BPIFC: variants seen among roughly 807,000 people sequenced by gnomAD.
The protein encoded by BPIFC is BPI fold-containing family C protein.
In BPIFC, 60 loss-of-function variants were observed where a neutral mutation model predicts 57.6. That is an observed-to-expected ratio of 1.04 (90% CI 0.85 to 1.29). The LOEUF (loss-of-function observed/expected upper bound fraction) is 1.29. Among genes scored for constraint, BPIFC ranks in the 50% most tolerant of loss-of-function variants. The pLI is 0.00. For synonymous variants in BPIFC, 243 were observed against 224.5 expected (o/e 1.08, Z -0.74); for missense variants, 581 against 600.5 (o/e 0.97, Z 0.34).
chr22:32,452,820 G>A (rs538328805), intron 4 of BPIFC, among the ~76,000 whole-genome samples: 1 of 152,144 alleles, frequency 6.6e-6, no homozygotes, highest in Non-Finnish European at 1.5e-5. Flanking sequence ...AGAAGAGCTT[G>A]ACTCTCCCTT....
At chr22:32,422,548 A>G (rs1241974452) in intron 13 of BPIFC, among the ~76,000 whole-genome samples, 1 of 152,092 alleles carries the variant, frequency 6.6e-6, no homozygotes, top group Non-Finnish European at 1.5e-5. Context: ...CTCTACTAAA[A>G]TTACAAAAAT....
intron 10 of BPIFC, among the ~76,000 whole-genome samples, chr22:32,434,265 ATTC>A (rs1934328506): frequency 6.7e-6 from 1 of 149,098 alleles, no homozygotes; most frequent in Admixed American, 6.7e-5. Flanking sequence ...ATGTGTACAT[ATTC>A]TTCATTTATA....
intron 13 of BPIFC, among the ~76,000 whole-genome samples, chr22:32,430,090 G>C (rs1374853473): frequency 6.6e-6 from 1 of 152,194 alleles, no homozygotes; most frequent in African/African-American, 2.4e-5. Context: ...TCAATGATCT[G>C]CGTCTGTGGC....
intron 13 of BPIFC, among the ~76,000 whole-genome samples, chr22:32,421,645 T>A (rs1413212293): frequency 6.6e-6 from 1 of 152,186 alleles, no homozygotes; most frequent in Non-Finnish European, 1.5e-5. Flanking sequence ...TGTTCACTTA[T>A]TCATTGATTG....
chr22:32,436,422 G>C (rs1216848204), intron 9 of BPIFC, among the ~76,000 whole-genome samples: 1 of 150,992 alleles, frequency 6.6e-6, no homozygotes, highest in Non-Finnish European at 1.5e-5. Context: ...AAAAGAAGGA[G>C]AAGGAGAAGG....
At position 32,458,522 on chromosome 22, in the gene BPIFC, C is replaced by T. The variant is rs117806051; in HGVS notation, c.1-1136G>A. Among the ~76,000 whole-genome samples the T allele has an allele frequency of 1.9e-3, 285 of 152,292 alleles. 2 individuals are homozygous for T. The highest frequency in any genetic ancestry group is 3.4e-3 in the Middle Eastern group (1 of 294). On this transcript the variant is annotated intron_variant, in intron 2 of 16. Coordinates refer to ENST00000300399, the MANE Select transcript of BPIFC (RefSeq NM_174932.3). Reference sequence around the variant, plus strand: ...ATCCAGTTACTGATGTGTGTATTGTCTATCTCCTCTGCTGGAATTTTTAGG... The same window carrying T: ...ATCCAGTTACTGATGTGTGTATTGTTTATCTCCTCTGCTGGAATTTTTAGG...
chr22:32,416,774 G>A (rs887356189), intron 15 of BPIFC, among the ~76,000 whole-genome samples: 1 of 152,184 alleles, frequency 6.6e-6, no homozygotes, highest in Non-Finnish European at 1.5e-5. Context: ...CTCGTTTCCG[G>A]TTGACTGGAA....
At chr22:32,459,498 C>T (rs1047796304) in intron 2 of BPIFC, among the ~76,000 whole-genome samples, 1 of 151,972 alleles carries the variant, frequency 6.6e-6, no homozygotes, top group African/African-American at 2.4e-5. Flanking sequence ...CCCATCTCTA[C>T]TAAAAATACA....
Position 32,422,577 on chromosome 22 carries a change from C to T in BPIFC, c.1218-3173G>A, listed in dbSNP as rs112539257. Among the ~76,000 whole-genome samples the T allele has an allele frequency of 7.6e-3, 1,150 of 151,934 alleles. 6 individuals are homozygous for T. The highest frequency in any genetic ancestry group is 0.012 in the Non-Finnish European group (830 of 67,946). On this transcript the variant is annotated intron_variant, in intron 13 of 16. Coordinates refer to ENST00000300399, the MANE Select transcript of BPIFC (RefSeq NM_174932.3). ...CAAAAATTAGCCAGGCATGGTGGCA[C>T]GTGCCAGTAATCCCCAGCTACTCGG...
chr22:32,450,955 T>G (rs1013005784), intron 4 of BPIFC, among the ~76,000 whole-genome samples: 1 of 152,236 alleles, frequency 6.6e-6, no homozygotes, highest in African/African-American at 2.4e-5. Context: ...CCAAACATAC[T>G]TAAAAGCTTT....
At position 32,442,855 on chromosome 22, in the gene BPIFC, G is replaced by A. The variant is rs7284407; in HGVS notation, c.595-124C>T. On this transcript the variant is annotated intron_variant, in intron 7 of 16. Coordinates refer to ENST00000300399, the MANE Select transcript of BPIFC (RefSeq NM_174932.3). ...AGCAGTCATTATCCCTTTGGTCATC[G>A]AGACATTCTCTTAAATTTGTTGATG... 1.4e-3 allele frequency: 1,263 copies of A among 884,736 alleles called. 10 individuals are homozygous for A. The African/African-American group carries it at 0.02, about 14-fold the overall frequency. 54.8% of individuals were successfully genotyped at this position (884,736 alleles called of 1,614,324 possible). A position where few individuals can be genotyped will look rare whatever the true frequency, so the allele number is the denominator to read the frequency against.
At chr22:32,430,740 A>G (rs919530095) in intron 13 of BPIFC, among the ~76,000 whole-genome samples, 1 of 151,912 alleles carries the variant, frequency 6.6e-6, no homozygotes, top group Non-Finnish European at 1.5e-5. Flanking sequence ...TCCTGGGCTC[A>G]AGCAATTCTT....
rs1292325606 is a variant in BPIFC, at chr22:32,414,371, G to A, written c.1456C>T (p.Pro486Ser). ...LKYETSSKQQ[P>S]SFHVWEGLNL... Reference sequence around the variant, plus strand: ...AGACCTTCCCATACGTGGAAACTTGGCTGCTGCTTTGAGGATGTTTCATAC... The same window carrying A: ...AGACCTTCCCATACGTGGAAACTTGACTGCTGCTTTGAGGATGTTTCATAC... The change falls in exon 17 of 17, where the codon CCA becomes TCA. Residue 486 changes from proline to serine, a missense_variant. Coordinates refer to ENST00000300399, the MANE Select transcript of BPIFC (RefSeq NM_174932.3). 1.9e-6 allele frequency: 3 copies of A among 1,613,966 alleles called. No homozygotes were observed. Among genetic ancestry groups the A allele is most frequent in the Admixed American group, 1.7e-5 (1 of 60,002 alleles).
chr22:32,463,330 A>G (rs938364510), intron 1 of BPIFC, among the ~76,000 whole-genome samples: 4 of 152,216 alleles, frequency 2.6e-5, no homozygotes, highest in Non-Finnish European at 5.9e-5. Flanking sequence ...AAGATCACTT[A>G]AAAACCCCAC....
chr22:32,428,040 CT>C (rs56117343), intron 13 of BPIFC, among the ~76,000 whole-genome samples: 5,990 of 152,126 alleles, frequency 0.039, 164 homozygotes, highest in Admixed American at 0.073. Flanking sequence ...AAAGATCACT[CT>C]TCATGGTTCA....
chr22:32,437,225 A>G (rs1264422354), intron 9 of BPIFC, among the ~76,000 whole-genome samples: 1 of 152,238 alleles, frequency 6.6e-6, no homozygotes, highest in Non-Finnish European at 1.5e-5. Flanking sequence ...GGGCAGACAT[A>G]TGTTGTACAA....
At chr22:32,423,577 G>GGGTGTGT (rs1556036074) in intron 13 of BPIFC, among the ~76,000 whole-genome samples, 3 of 143,198 alleles carry the variant, frequency 2.1e-5, no homozygotes, top group African/African-American at 8.0e-5. Context: ...GTAGGGTGTG[G>GGGTGTGT]GTGTGTGTGT....
At chr22:32,455,028 C>G (rs1282086422) in intron 3 of BPIFC, among the ~76,000 whole-genome samples, 1 of 148,020 alleles carries the variant, frequency 6.8e-6, no homozygotes, top group Non-Finnish European at 1.5e-5. Flanking sequence ...TGGGTAGGTA[C>G]TATAATTTTC....
At chr22:32,416,965 A>G in intron 15 of BPIFC, 120 bp downstream of exon 15, 1 of 944,864 alleles carries the variant, frequency 1.1e-6, no homozygotes, top group East Asian at 2.4e-5. Context: ...TGGATTCATG[A>G]TAACATGATA....
Sources: allele counts gnomAD v4.1 joint callset (sites outside exome capture counted in the v4.1 genomes callset), GRCh38; gene constraint gnomAD v4.1.1; transcripts MANE v1.5; gene names NCBI Gene and HGNC (gene_info 2026-07-23, HGNC 2026-07-21).